Variants in EPHA5 observed in about 807,000 individuals in gnomAD.
The protein encoded by EPHA5 is ephrin type-A receptor 5.
A neutral mutation model predicts 105.0 loss-of-function variants in EPHA5; 60 were observed. The observed-to-expected ratio is 0.57, with a 90% CI of 0.46 to 0.71. The LOEUF (loss-of-function observed/expected upper bound fraction) is 0.71, where lower values mean the gene tolerates loss of function less well. Among genes scored for constraint, EPHA5 ranks in the 30% least tolerant of loss-of-function variants. The pLI is 0.00. For missense variants in EPHA5, 1,218 were observed against 1,274.7 expected (o/e 0.96, Z 0.68); for synonymous variants, 513 against 449.1 (o/e 1.14, Z -1.80).
chr4:65,401,664 A>G (rs1294428243), intron 8 of EPHA5, among the ~76,000 whole-genome samples: 1 of 152,144 alleles, frequency 6.6e-6, no homozygotes, highest in African/African-American at 2.4e-5. Context: ...ATTAGGAAAG[A>G]ATTTTAATAT....
chr4:65,618,571 A>T (rs546682778), intron 2 of EPHA5, among the ~76,000 whole-genome samples: 4 of 152,158 alleles, frequency 2.6e-5, no homozygotes, highest in African/African-American at 4.8e-5. Flanking sequence ...TTTTTTGACA[A>T]TCTTCCCCTA....
At chr4:65,609,120 A>G (rs1744516938) in intron 2 of EPHA5, among the ~76,000 whole-genome samples, 1 of 152,182 alleles carries the variant, frequency 6.6e-6, no homozygotes. Flanking sequence ...TACATATAAC[A>G]ACAAGAAAAA....
In EPHA5 at chr4:65,464,022, A is replaced by G. The variant is rs78160957; in HGVS notation, c.1402+26355T>C. Among the ~76,000 whole-genome samples the G allele has an allele frequency of 2.7e-3, 415 of 152,014 alleles. 2 individuals are homozygous for G. The highest frequency in any genetic ancestry group is 2.7e-3 in the Non-Finnish European group (180 of 67,894). On this transcript the variant is annotated intron_variant, in intron 5 of 16. Coordinates refer to ENST00000613740, the MANE Select transcript of EPHA5 (RefSeq NM_001281766.3). ...TACACTAAAAAATAAATAAATAAAT[A>G]TTAAGACTACAACAAGAGGAAATTT...
chr4:65,666,625 A>G (rs769509128), intron 1 of EPHA5, among the ~76,000 whole-genome samples: 3 of 152,220 alleles, frequency 2.0e-5, no homozygotes, highest in Admixed American at 6.5e-5. Context: ...TATAATAAAA[A>G]AGTTTTGAAT....
chr4:65,377,194 T>C, intron 8 of EPHA5: 1 of 725,930 alleles, frequency 1.4e-6, no homozygotes, highest in East Asian at 3.1e-5. Context: ...ATGCATACAA[T>C]TAATTTTTTT....
At chr4:65,397,323 G>C (rs912549260) in intron 8 of EPHA5, among the ~76,000 whole-genome samples, 10 of 152,146 alleles carry the variant, frequency 6.6e-5, no homozygotes, top group African/African-American at 1.7e-4. Context: ...GTGGAGTGGG[G>C]AGGGCATCTC....
At chr4:65,659,267 T>A (rs559541589) in intron 1 of EPHA5, among the ~76,000 whole-genome samples, 4 of 131,192 alleles carry the variant, frequency 3.0e-5, no homozygotes, top group African/African-American at 1.1e-4. Flanking sequence ...ATATAGAGTG[T>A]CTGGTCTGGG....
intron 14 of EPHA5, among the ~76,000 whole-genome samples, chr4:65,342,007 GT>G (rs989812293): frequency 2.6e-5 from 4 of 151,986 alleles, no homozygotes; most frequent in African/African-American, 4.8e-5. Flanking sequence ...GATATATTAT[GT>G]TTTTTTCTTA....
At chr4:65,577,802 G>T (rs905081007) in intron 3 of EPHA5, among the ~76,000 whole-genome samples, 27 of 152,132 alleles carry the variant, frequency 1.8e-4, no homozygotes, top group African/African-American at 6.5e-4. Context: ...AGAAAAAAAG[G>T]TCAGAGGGAA....
chr4:65,589,988 GA>G (rs1458436137), intron 3 of EPHA5, among the ~76,000 whole-genome samples: 1 of 152,102 alleles, frequency 6.6e-6, no homozygotes, highest in Admixed American at 6.6e-5. Context: ...GAATTCATCA[GA>G]GGAAAAGCTC....
At chr4:65,394,527 G>T (rs1341453148) in intron 8 of EPHA5, among the ~76,000 whole-genome samples, 1 of 152,118 alleles carries the variant, frequency 6.6e-6, no homozygotes. Context: ...ATGATGCATG[G>T]TGTGTAGAGG....
intron 5 of EPHA5, among the ~76,000 whole-genome samples, chr4:65,457,642 T>G (rs1334952544): frequency 6.6e-6 from 1 of 151,922 alleles, no homozygotes; most frequent in Non-Finnish European, 1.5e-5. Context: ...ATATTATCTT[T>G]TTCTAAATTA....
chr4:65,380,445 T>C (rs28698790), intron 8 of EPHA5, among the ~76,000 whole-genome samples: 8,339 of 151,724 alleles, frequency 0.055, 435 homozygotes, highest in African/African-American at 0.13. Flanking sequence ...GATAACCTCC[T>C]TCCTATGGAA....
chr4:65,637,280 A>C (rs993871117), intron 2 of EPHA5, among the ~76,000 whole-genome samples: 1 of 145,042 alleles, frequency 6.9e-6, no homozygotes, highest in Admixed American at 7.0e-5. Flanking sequence ...AAAAATGTGG[A>C]TGCTTCTGCA....
chr4:65,400,712 A>G (rs1244229093), intron 8 of EPHA5, among the ~76,000 whole-genome samples: 2 of 152,122 alleles, frequency 1.3e-5, no homozygotes, highest in Non-Finnish European at 2.9e-5. Context: ...TTTGAAATAG[A>G]TCAGTTTCAC....
chr4:65,472,720 C>T (rs541895401), intron 5 of EPHA5, among the ~76,000 whole-genome samples: 7 of 152,146 alleles, frequency 4.6e-5, no homozygotes, highest in Non-Finnish European at 1.0e-4. Context: ...AGAGCAGGGG[C>T]CCCTGGGCCT....
At chr4:65,590,654 A>G (rs903772073) in intron 3 of EPHA5, among the ~76,000 whole-genome samples, 6 of 152,092 alleles carry the variant, frequency 3.9e-5, no homozygotes, top group Non-Finnish European at 7.4e-5. Context: ...TTGGAGAGAA[A>G]GAGAGAGAGA....
At chr4:65,557,950 G>C (rs1261748037) in intron 3 of EPHA5, among the ~76,000 whole-genome samples, 1 of 151,608 alleles carries the variant, frequency 6.6e-6, no homozygotes, top group Non-Finnish European at 1.5e-5. Flanking sequence ...TCAGCTCACT[G>C]CAACTTCCCT....
intron 3 of EPHA5, among the ~76,000 whole-genome samples, chr4:65,556,821 A>G (rs1261752362): frequency 6.6e-6 from 1 of 152,132 alleles, no homozygotes; most frequent in Non-Finnish European, 1.5e-5. Flanking sequence ...CCAGGAAAAC[A>G]ACTTGCTCCT....
Sources: gnomAD v4.1 joint callset for allele counts (sites outside exome capture counted in the v4.1 genomes callset) on GRCh38, gnomAD v4.1.1 for gene constraint, MANE v1.5 for transcripts, NCBI Gene and HGNC (gene_info 2026-07-23, HGNC 2026-07-21) for gene names.